The following PAK1 variants were observed in gnomAD, a reference collection of about 807,000 sequenced individuals.
The protein encoded by PAK1 is p21 (RAC1) activated kinase 1.
PAK1 carries 29 observed loss-of-function variants against 67.4 expected under a neutral mutation model. That is an observed-to-expected ratio of 0.43 (90% CI 0.32 to 0.59). PAK1 has a LOEUF of 0.59. Ranked by LOEUF, PAK1 falls within the 20% of genes least tolerant of loss-of-function variation. PAK1 has a pLI of 0.07. For missense variants in PAK1, 337 were observed against 670.7 expected, an observed-to-expected ratio of 0.50 and a Z score of 5.50; for synonymous variants, 223 against 237.4, an observed-to-expected ratio of 0.94 and a Z score of 0.56.
chr11:77,492,541 CTT>C, the PAK1 span, among the ~76,000 whole-genome samples: 354 of 106,068 alleles, frequency 3.3e-3, 5 homozygotes, highest in African/African-American at 8.6e-3. Flanking sequence ...TGAGGTGGGT[CTT>C]TTTTTTTTTT....
At chr11:77,513,749 G>A in the PAK1 span, among the ~76,000 whole-genome samples, 1 of 150,186 alleles carries the variant, frequency 6.7e-6, no homozygotes. Context: ...CAAAGCAATA[G>A]GCTACCCAGA....
chr11:77,387,851 G>C (rs371999829), intron 2 of PAK1, among the ~76,000 whole-genome samples: 2 of 152,306 alleles, frequency 1.3e-5, no homozygotes, highest in African/African-American at 4.8e-5. Context: ...AATACTACAT[G>C]AAGGGCATAT....
intron 1 of PAK1, among the ~76,000 whole-genome samples, chr11:77,405,543 T>C (rs902097709): frequency 6.7e-5 from 10 of 149,706 alleles, no homozygotes; most frequent in African/African-American, 2.0e-4. Flanking sequence ...AAAGATTAGA[T>C]ACAGCATGTG....
chr11:77,426,386 A>G (rs1034638411), intron 1 of PAK1, among the ~76,000 whole-genome samples: 3 of 152,232 alleles, frequency 2.0e-5, no homozygotes, highest in African/African-American at 7.2e-5. Flanking sequence ...TGACAAAGTC[A>G]AAACCAGAGT....
At chr11:77,451,826 T>C (rs1306176818) in intron 1 of PAK1, among the ~76,000 whole-genome samples, 1 of 151,692 alleles carries the variant, frequency 6.6e-6, no homozygotes, top group Admixed American at 6.6e-5. Flanking sequence ...CTCGAACTCC[T>C]GACCTCAGGT....
chr11:77,503,224 T>G, the PAK1 span, among the ~76,000 whole-genome samples: 1 of 152,300 alleles, frequency 6.6e-6, no homozygotes, highest in South Asian at 2.1e-4. Context: ...AACTGCAATG[T>G]GTAAAACCAA....
chr11:77,350,555 T>C (rs1945099971), intron 8 of PAK1, among the ~76,000 whole-genome samples: 1 of 152,230 alleles, frequency 6.6e-6, no homozygotes, highest in South Asian at 2.1e-4. Flanking sequence ...TATTTGTACC[T>C]GTACATGCCA....
chr11:77,407,034 AATTATT>A (rs998497532), intron 1 of PAK1, among the ~76,000 whole-genome samples: 2 of 152,052 alleles, frequency 1.3e-5, no homozygotes, highest in Non-Finnish European at 2.9e-5. Context: ...CCTACTATAT[AATTATT>A]ATTATTTTTT....
At chr11:77,523,870 C>T in the PAK1 span, among the ~76,000 whole-genome samples, 3 of 152,144 alleles carry the variant, frequency 2.0e-5, no homozygotes, top group African/African-American at 4.8e-5. Context: ...CTCAGTGTCA[C>T]GTTTGGACCA....
chr11:77,512,737 A>G, the PAK1 span, among the ~76,000 whole-genome samples: 1 of 152,114 alleles, frequency 6.6e-6, no homozygotes, highest in Non-Finnish European at 1.5e-5. Flanking sequence ...GCTTTTCACT[A>G]TTTTTATTCC....
upstream of PAK1, among the ~76,000 whole-genome samples, chr11:77,479,067 C>T (rs373702998): frequency 8.6e-3 from 1,255 of 145,164 alleles, 11 homozygotes; most frequent in Non-Finnish European, 0.012. Context: ...CCTAGGCGGC[C>T]GAGCAAGACT....
intron 1 of PAK1, among the ~76,000 whole-genome samples, chr11:77,404,072 G>T (rs1592295062): frequency 6.6e-6 from 1 of 152,180 alleles, no homozygotes; most frequent in South Asian, 2.1e-4. Flanking sequence ...CCAGATGCAG[G>T]TACCTTGGAC....
chr11:77,340,059 T>C (rs2136230258), intron 11 of PAK1, among the ~76,000 whole-genome samples: 1 of 152,346 alleles, frequency 6.6e-6, no homozygotes, highest in African/African-American at 2.4e-5. Context: ...TCTAGACATT[T>C]AATAGCAATG....
intron 2 of PAK1, among the ~76,000 whole-genome samples, chr11:77,387,352 C>T (rs935135018): frequency 1.3e-5 from 2 of 152,172 alleles, no homozygotes; most frequent in Non-Finnish European, 2.9e-5. Flanking sequence ...GGGTTACAGG[C>T]GTGAGCCACT....
intron 1 of PAK1, among the ~76,000 whole-genome samples, chr11:77,470,882 A>T (rs1957821202): frequency 6.6e-6 from 1 of 152,224 alleles, no homozygotes; most frequent in South Asian, 2.1e-4. Flanking sequence ...TAGGCTAAAA[A>T]TTCTTGCAGG....
chr11:77,452,196 G>T (rs181855894), intron 1 of PAK1, among the ~76,000 whole-genome samples: 13 of 152,176 alleles, frequency 8.5e-5, no homozygotes, highest in Non-Finnish European at 1.8e-4. Context: ...TAATGATAAC[G>T]CTGTGAGGCA....
the PAK1 span, among the ~76,000 whole-genome samples, chr11:77,511,632 A>C: frequency 3.3e-5 from 5 of 152,162 alleles, no homozygotes; most frequent in Non-Finnish European, 5.9e-5. Flanking sequence ...CACATTTTTT[A>C]ACTTTTAAAA....
At chr11:77,384,801 G>T (rs1950251011) in intron 2 of PAK1, among the ~76,000 whole-genome samples, 2 of 152,140 alleles carry the variant, frequency 1.3e-5, no homozygotes, top group Non-Finnish European at 2.9e-5. Context: ...TGATGAAAAT[G>T]TATTGGAATT....
chr11:77,382,172 T>A, intron 2 of PAK1, among the ~76,000 whole-genome samples: 1 of 152,182 alleles, frequency 6.6e-6, no homozygotes, highest in East Asian at 1.9e-4. Context: ...ATCACAGGCA[T>A]GAACTGTCAA....
Sources: gnomAD v4.1 joint callset for allele counts (sites outside exome capture counted in the v4.1 genomes callset) on GRCh38, gnomAD v4.1.1 for gene constraint, MANE v1.5 for transcripts, NCBI Gene and HGNC (gene_info 2026-07-23, HGNC 2026-07-21) for gene names.